Variants in KYAT1 observed in about 807,000 individuals in gnomAD.
KYAT1 encodes the protein kynurenine aminotransferase 1, also known as kynurenine--oxoglutarate transaminase 1.
Under a neutral mutation model 52.4 loss-of-function variants are expected in KYAT1, and 47 were observed. The ratio of observed to expected loss-of-function variants is 0.90; its 90% confidence interval spans 0.71 to 1.14. The LOEUF (loss-of-function observed/expected upper bound fraction) is 1.14, where lower values mean the gene tolerates loss of function less well. Ranked by LOEUF, KYAT1 falls within the 50% of genes most tolerant of loss-of-function variation. The pLI is 0.00. For missense variants in KYAT1, 480 were observed against 557.9 expected, an observed-to-expected ratio of 0.86 and a Z score of 1.41; for synonymous variants, 212 against 209.6, an observed-to-expected ratio of 1.01 and a Z score of -0.10.
At chr9:128,847,540 C>T (rs1376200470) in intron 1 of KYAT1, 1 of 1,530,050 alleles carries the variant, frequency 6.5e-7, no homozygotes, top group East Asian at 2.5e-5. Flanking sequence ...CCTCCCAGAG[C>T]CTTGGGGCAC....
chr9:128,860,414 C>G (rs1835294329), intron 1 of KYAT1: 1 of 151,930 alleles, frequency 6.6e-6, no homozygotes. Context: ...TTTTCCCACC[C>G]AGGTGCTGAT....
chr9:128,836,746 G>A, intron 7 of KYAT1, 56 bp downstream of exon 7: 3 of 1,591,762 alleles, frequency 1.9e-6, no homozygotes, highest in Non-Finnish European at 2.6e-6. Context: ...TCTCAGGTGG[G>A]GTCAAGGCCC....
rs372440595 is a variant in KYAT1, at chr9:128,840,352, G to A, written c.202-1985C>T. On this transcript the variant is annotated intron_variant, in intron 3 of 12. Coordinates refer to ENST00000302586, the MANE Select transcript of KYAT1 (RefSeq NM_004059.5). The stretch of plus-strand genomic sequence containing the variant: ...CGGCCCACTGCAACCTCCGCCTCCC[G>A]GGTTCAAGCGATTCTTGTGCCTCAG... Among the ~76,000 whole-genome samples, 4 of 152,102 alleles carry A rather than the reference G, an allele frequency of 2.6e-5. No homozygotes were observed. In the East Asian group the frequency reaches 5.8e-4, roughly 22 times the overall value.
At chr9:128,838,506 C>A in intron 3 of KYAT1, 139 bp from the exon 4 acceptor site, 1 of 860,170 alleles carries the variant, frequency 1.2e-6, no homozygotes, top group Non-Finnish European at 1.8e-6. Flanking sequence ...CCCCAGGGGA[C>A]GTGGAATAGA....
At chr9:128,882,298 A>T (rs1185014148), upstream of KYAT1, 1 of 156,004 alleles carries the variant, frequency 6.4e-6, no homozygotes, top group East Asian at 1.8e-4. Context: ...ACCTCTCGAA[A>T]CCCACTTACA....
intron 11 of KYAT1, 144 bp from the exon 12 acceptor site, chr9:128,833,970 G>T: frequency 1.5e-6 from 1 of 651,830 alleles, no homozygotes; most frequent in Non-Finnish European, 2.7e-6. Flanking sequence ...AAAGTCAGAG[G>T]AACAAGGCCA....
chr9:128,876,409 C>CTTTTTTTTTTTTTT (rs71383618), intron 1 of KYAT1, among the ~76,000 whole-genome samples: 1 of 124,536 alleles, frequency 8.0e-6, no homozygotes, highest in Non-Finnish European at 1.6e-5. Flanking sequence ...ATCCTTTGTT[C>CTTTTTTTTTTTTTT]TTTTTTTTTT....
chr9:128,868,997 C>T (rs1317707832), intron 1 of KYAT1, among the ~76,000 whole-genome samples: 2 of 152,086 alleles, frequency 1.3e-5, no homozygotes, highest in African/African-American at 4.8e-5. Context: ...AGCCACTGTG[C>T]CTGGCCAATT....
At chr9:128,875,066 C>T (rs953808826) in intron 1 of KYAT1, among the ~76,000 whole-genome samples, 1 of 151,916 alleles carries the variant, frequency 6.6e-6, no homozygotes, top group Non-Finnish European at 1.5e-5. Flanking sequence ...GTATTATTTC[C>T]TCTGGGTCAT....
chr9:128,878,395 A>G (rs1838327911), intron 1 of KYAT1, among the ~76,000 whole-genome samples: 1 of 152,078 alleles, frequency 6.6e-6, no homozygotes, highest in Non-Finnish European at 1.5e-5. Context: ...TCAGCCTTCC[A>G]AATTACTGGG....
At chr9:128,856,509 A>G (rs1440613907) in intron 1 of KYAT1, among the ~76,000 whole-genome samples, 1 of 152,244 alleles carries the variant, frequency 6.6e-6, no homozygotes, top group Non-Finnish European at 1.5e-5. Context: ...AAGGGAAGAC[A>G]TAAGAAATTC....
At chr9:128,855,798 T>A (rs765377820) in intron 1 of KYAT1, among the ~76,000 whole-genome samples, 5 of 152,232 alleles carry the variant, frequency 3.3e-5, no homozygotes, top group African/African-American at 4.8e-5. Context: ...AAAAGATTCA[T>A]TTTTTACTTT....
intron 1 of KYAT1, among the ~76,000 whole-genome samples, chr9:128,872,090 T>C (rs1837309743): frequency 7.2e-6 from 1 of 138,172 alleles, no homozygotes; most frequent in Non-Finnish European, 1.5e-5. Flanking sequence ...ATCGTGCCAC[T>C]GCACGGCAGC....
At chr9:128,872,397 T>G (rs1364141008) in intron 1 of KYAT1, among the ~76,000 whole-genome samples, 1 of 151,412 alleles carries the variant, frequency 6.6e-6, no homozygotes. Flanking sequence ...TGAGCCAAGA[T>G]TGTGCCACTG....
intron 1 of KYAT1, among the ~76,000 whole-genome samples, chr9:128,846,411 T>C (rs1833099811): frequency 6.6e-6 from 1 of 151,456 alleles, no homozygotes; most frequent in African/African-American, 2.4e-5. Flanking sequence ...GCCTGAGCAT[T>C]AGAGTGAAAC....
chr9:128,874,340 C>T (rs1209515128), intron 1 of KYAT1, among the ~76,000 whole-genome samples: 1 of 149,796 alleles, frequency 6.7e-6, no homozygotes, highest in Admixed American at 6.7e-5. Flanking sequence ...AGCATTTCTT[C>T]TATGTTTGTT....
intron 6 of KYAT1, among the ~76,000 whole-genome samples, 155 bp downstream of exon 6, chr9:128,837,530 C>T (rs1385014732): frequency 6.6e-6 from 1 of 152,224 alleles, no homozygotes; most frequent in Non-Finnish European, 1.5e-5. Context: ...TTGCCCCTGT[C>T]CTGGGACCTC....
At chr9:128,873,177 G>A (rs917430927) in intron 1 of KYAT1, among the ~76,000 whole-genome samples, 1 of 150,058 alleles carries the variant, frequency 6.7e-6, no homozygotes, top group Admixed American at 6.7e-5. Context: ...TAAGACAATT[G>A]TTCTGTGACC....
chr9:128,857,507 C>T (rs1343204500), intron 1 of KYAT1, among the ~76,000 whole-genome samples: 1 of 152,172 alleles, frequency 6.6e-6, no homozygotes, highest in African/African-American at 2.4e-5. Context: ...TGTGCCCTGC[C>T]CCATACACAA....
Sources: allele counts gnomAD v4.1 joint callset (sites outside exome capture counted in the v4.1 genomes callset), GRCh38; gene constraint gnomAD v4.1.1; transcripts MANE v1.5; gene names NCBI Gene and HGNC (gene_info 2026-07-23, HGNC 2026-07-21).